Variants in ARHGAP42 observed in about 807,000 individuals in gnomAD.
ARHGAP42 encodes Rho GTPase activating protein 42.
Under a neutral mutation model 125.0 loss-of-function variants are expected in ARHGAP42, and 63 were observed. That is an observed-to-expected ratio of 0.50 (90% CI 0.41 to 0.62). The LOEUF is 0.62. Ranked by LOEUF, ARHGAP42 falls within the 20% of genes least tolerant of loss-of-function variation. The pLI is 0.00. For synonymous variants in ARHGAP42, 339 were observed against 351.0 expected, an observed-to-expected ratio of 0.97 and a Z score of 0.38; for missense variants, 766 against 1,024.2, an observed-to-expected ratio of 0.75 and a Z score of 3.44.
At chr11:100,971,798 C>T (rs1044791915) in intron 17 of ARHGAP42, among the ~76,000 whole-genome samples, 2 of 152,116 alleles carry the variant, frequency 1.3e-5, no homozygotes, top group African/African-American at 4.8e-5. Flanking sequence ...GTTCTCACAA[C>T]AACCTAACAT....
chr11:100,724,691 ATT>A (rs56747756), intron 1 of ARHGAP42, among the ~76,000 whole-genome samples: 1 of 149,466 alleles, frequency 6.7e-6, no homozygotes. Flanking sequence ...GGTCTTTACT[ATT>A]TTTTTTTTCT....
At chr11:100,762,901 T>C (rs1049287168) in intron 1 of ARHGAP42, among the ~76,000 whole-genome samples, 36 of 152,236 alleles carry the variant, frequency 2.4e-4, no homozygotes, top group African/African-American at 7.9e-4. Flanking sequence ...TGTATGTGTT[T>C]TTTATTAAGG....
At chr11:100,801,817 T>C (rs1863859484) in intron 3 of ARHGAP42, among the ~76,000 whole-genome samples, 1 of 152,242 alleles carries the variant, frequency 6.6e-6, no homozygotes, top group Admixed American at 6.5e-5. Context: ...CCTGCCATCA[T>C]GTGGCTAGGC....
intron 3 of ARHGAP42, among the ~76,000 whole-genome samples, chr11:100,808,804 C>A (rs2135056005): frequency 6.6e-6 from 1 of 152,228 alleles, no homozygotes; most frequent in African/African-American, 2.4e-5. Flanking sequence ...GTAAATAGTT[C>A]ATTACATTTT....
chr11:100,962,485 A>T lies in ARHGAP42; in HGVS notation c.1444+18A>T. 2.0e-6 allele frequency: 3 copies of T among 1,529,462 alleles called. No individual in the cohort carries two copies. The highest frequency in any genetic ancestry group is 2.7e-6 in the Non-Finnish European group (3 of 1,127,394). The allele number at this position is 1,529,462 out of a possible 1,614,324, so 94.7% of individuals were successfully genotyped here. On this transcript the variant is annotated intron_variant, in intron 16 of 23. Coordinates refer to ENST00000298815, the MANE Select transcript of ARHGAP42 (RefSeq NM_152432.4). ...TGCTGTTAGTAAGTATACTTGCATC[A>T]TATACACATTATAATTGATGTAGTT...
At chr11:100,959,975 C>T (rs1313166670) in intron 13 of ARHGAP42, 30 bp downstream of exon 13, 2 of 1,527,328 alleles carry the variant, frequency 1.3e-6, no homozygotes, top group Admixed American at 3.9e-5. Flanking sequence ...TACAGCATCC[C>T]TGTCATGTGT....
intron 1 of ARHGAP42, among the ~76,000 whole-genome samples, chr11:100,754,751 C>A (rs1862534069): frequency 6.6e-6 from 1 of 152,168 alleles, no homozygotes; most frequent in African/African-American, 2.4e-5. Context: ...AAACTCCTAC[C>A]CCTCTTGCCC....
chr11:100,873,968 A>G (rs1256730263), intron 4 of ARHGAP42, among the ~76,000 whole-genome samples: 2 of 152,210 alleles, frequency 1.3e-5, no homozygotes, highest in Non-Finnish European at 2.9e-5. Flanking sequence ...ACCACCCACC[A>G]GCCAATAATT....
At chr11:100,937,666 G>A (rs1000564156) in intron 8 of ARHGAP42, among the ~76,000 whole-genome samples, 4 of 152,150 alleles carry the variant, frequency 2.6e-5, no homozygotes, top group Non-Finnish European at 5.9e-5. Flanking sequence ...GTCTGATTAT[G>A]TTTTATTTCT....
At chr11:100,716,798 C>T (rs1861668250) in intron 1 of ARHGAP42, among the ~76,000 whole-genome samples, 1 of 152,026 alleles carries the variant, frequency 6.6e-6, no homozygotes, top group Admixed American at 6.5e-5. Context: ...GAACCTCTGA[C>T]CCCCTTTAAA....
Position 100,992,308 on chromosome 11 carries a change from C to T in ARHGAP42, c.*3507C>T, listed in dbSNP as rs1858851752. ...TACATTTGTAACTCACAGCTGTTAG[C>T]ATGACCTCACATCACTGCGTAGGAC... On this transcript the variant is annotated 3_prime_UTR_variant, in exon 24 of 24. Transcript: ENST00000298815. 4 of 1,583,444 alleles carry T rather than the reference C, an allele frequency of 2.5e-6. No individual in the cohort carries two copies. The highest frequency in any genetic ancestry group is 3.4e-6 in the Non-Finnish European group (4 of 1,167,914).
chr11:100,985,983 G>A (rs984382176), intron 22 of ARHGAP42: 3 of 454,922 alleles, frequency 6.6e-6, no homozygotes, highest in African/African-American at 4.0e-5. Context: ...ACCCCAAGGA[G>A]GATAGATAAG....
chr11:100,949,450 G>T (rs1015549399), intron 11 of ARHGAP42, among the ~76,000 whole-genome samples: 9 of 152,078 alleles, frequency 5.9e-5, no homozygotes, highest in Non-Finnish European at 1.3e-4. Flanking sequence ...AGATTTAAAA[G>T]AAAATTCACT....
At chr11:100,781,768 A>G (rs751608817) in intron 2 of ARHGAP42, among the ~76,000 whole-genome samples, 14 of 152,346 alleles carry the variant, frequency 9.2e-5, no homozygotes, top group Non-Finnish European at 2.1e-4. Flanking sequence ...CTGTAATTTT[A>G]AGATGTTGAT....
At chr11:100,777,144 T>G (rs1188920648) in intron 2 of ARHGAP42, among the ~76,000 whole-genome samples, 7 of 152,250 alleles carry the variant, frequency 4.6e-5, no homozygotes, top group Non-Finnish European at 1.0e-4. Context: ...CTGACATTTT[T>G]ACTTCTTGTT....
chr11:100,740,369 C>T (rs1862158576), intron 1 of ARHGAP42, among the ~76,000 whole-genome samples: 2 of 152,248 alleles, frequency 1.3e-5, no homozygotes, highest in African/African-American at 4.8e-5. Flanking sequence ...TTTCTCCCAT[C>T]TTCTAAAAAC....
At chr11:100,915,621 G>A (rs1452621848) in intron 5 of ARHGAP42, among the ~76,000 whole-genome samples, 1 of 152,102 alleles carries the variant, frequency 6.6e-6, no homozygotes, top group African/African-American at 2.4e-5. Flanking sequence ...TTCATTACTT[G>A]CCTCGCTAGT....
chr11:100,857,675 C>T (rs551742850), intron 3 of ARHGAP42, among the ~76,000 whole-genome samples: 29 of 152,086 alleles, frequency 1.9e-4, no homozygotes, highest in Admixed American at 1.7e-3. Context: ...AATTCTGATA[C>T]GTTACTAAAG....
intron 1 of ARHGAP42, among the ~76,000 whole-genome samples, chr11:100,699,640 A>C (rs1861364282): frequency 6.8e-6 from 1 of 146,586 alleles, no homozygotes; most frequent in Non-Finnish European, 1.5e-5. Context: ...CTCCTGCCTC[A>C]GCCTCCCAAG....
Sources: gnomAD v4.1 joint callset for allele counts (sites outside exome capture counted in the v4.1 genomes callset) on GRCh38, gnomAD v4.1.1 for gene constraint, MANE v1.5 for transcripts, NCBI Gene and HGNC (gene_info 2026-07-23, HGNC 2026-07-21) for gene names.